ZNF385D: variants seen among roughly 807,000 people sequenced by gnomAD.
The protein encoded by ZNF385D is zinc finger protein 659.
A neutral mutation model predicts 35.8 loss-of-function variants in ZNF385D; 15 were observed. The observed-to-expected ratio is 0.42, with a 90% CI of 0.28 to 0.64. The LOEUF (loss-of-function observed/expected upper bound fraction) is 0.64, where lower values mean the gene tolerates loss of function less well. ZNF385D is among the 30% of genes least tolerant of loss of function. The pLI, the probability that ZNF385D is intolerant of heterozygous loss-of-function variation, is 0.23. For missense variants in ZNF385D, 474 were observed against 494.6 expected, an observed-to-expected ratio of 0.96 and a Z score of 0.39; for synonymous variants, 212 against 186.8, an observed-to-expected ratio of 1.13 and a Z score of -1.10.
chr3:21,980,455 T>C (rs6789283), intron 3 of ZNF385D, among the ~76,000 whole-genome samples: 26,204 of 152,114 alleles, frequency 0.17, 5,781 homozygotes, highest in African/African-American at 0.52. Flanking sequence ...AATAGTAGCA[T>C]TGAAGTGAAA....
intron 3 of ZNF385D, among the ~76,000 whole-genome samples, chr3:21,958,625 T>C (rs948473285): frequency 2.0e-5 from 3 of 152,140 alleles, no homozygotes; most frequent in East Asian, 1.9e-4. Flanking sequence ...ACCTGTAATA[T>C]AATCCCAGGG....
At chr3:22,064,386 G>C (rs1334808691) in intron 3 of ZNF385D, among the ~76,000 whole-genome samples, 2 of 151,634 alleles carry the variant, frequency 1.3e-5, no homozygotes, top group Non-Finnish European at 2.9e-5. Flanking sequence ...AGAAAGCAGA[G>C]CATTTGTTGC....
chr3:22,281,990 C>T (rs1450517277), intron 2 of ZNF385D, among the ~76,000 whole-genome samples: 1 of 151,856 alleles, frequency 6.6e-6, no homozygotes, highest in Admixed American at 6.6e-5. Flanking sequence ...TGTATATTTC[C>T]AGGAATTTAT....
chr3:22,009,501 T>C (rs921257731), intron 3 of ZNF385D, among the ~76,000 whole-genome samples: 3 of 151,322 alleles, frequency 2.0e-5, no homozygotes, highest in Non-Finnish European at 2.9e-5. Flanking sequence ...CGGGTGCCTA[T>C]AGTCCCAGCT....
In ZNF385D at chr3:21,819,623, T is replaced by C. The variant is rs115866722; in HGVS notation, c.326-154595A>G. ...TGTGTATATATGTTATATATGTATG[T>C]ATTATATAATTATATATTCTATATT... On this transcript the variant is annotated intron_variant, in intron 3 of 5. Transcript: ENST00000494108. Among the ~76,000 whole-genome samples the C allele has an allele frequency of 5.5e-3, 786 of 142,290 alleles. 6 individuals are homozygous for C. Among genetic ancestry groups the C allele is most frequent in the African/African-American group, 0.018 (703 of 38,588 alleles). The allele number at this position is 142,290 out of a possible 152,430, so 93.3% of individuals were successfully genotyped here.
chr3:22,038,430 T>C (rs1038828578), intron 3 of ZNF385D, among the ~76,000 whole-genome samples: 6 of 152,146 alleles, frequency 3.9e-5, no homozygotes, highest in Non-Finnish European at 5.9e-5. Context: ...AGCACCTGTT[T>C]CACAGAGTTG....
intron 2 of ZNF385D, among the ~76,000 whole-genome samples, chr3:22,257,219 G>A (rs1291365351): frequency 6.6e-6 from 1 of 151,764 alleles, no homozygotes; most frequent in Non-Finnish European, 1.5e-5. Flanking sequence ...GACAAGCTAT[G>A]TACCATTAGA....
chr3:22,032,697 T>A (rs2125484534), intron 3 of ZNF385D, among the ~76,000 whole-genome samples: 1 of 152,210 alleles, frequency 6.6e-6, no homozygotes, highest in Middle Eastern at 3.4e-3. Context: ...AAGCAGGCAG[T>A]TAGGGAAAGG....
At chr3:21,822,638 T>G (rs113152275) in intron 3 of ZNF385D, among the ~76,000 whole-genome samples, 119 of 152,272 alleles carry the variant, frequency 7.8e-4, no homozygotes, top group African/African-American at 2.5e-3. Flanking sequence ...CACAAGAAAG[T>G]TGATACTGGC....
chr3:21,980,030 T>A (rs990589795), intron 3 of ZNF385D, among the ~76,000 whole-genome samples: 4 of 152,174 alleles, frequency 2.6e-5, no homozygotes, highest in Non-Finnish European at 5.9e-5. Flanking sequence ...ATAAAAGGCA[T>A]TGTGATATCT....
intron 3 of ZNF385D, among the ~76,000 whole-genome samples, chr3:21,893,100 A>C (rs923627461): frequency 6.6e-6 from 1 of 152,276 alleles, no homozygotes; most frequent in East Asian, 1.9e-4. Context: ...CACTCCCTGC[A>C]TGATATCAAG....
intron 3 of ZNF385D, among the ~76,000 whole-genome samples, chr3:21,807,821 G>T (rs1378717347): frequency 6.6e-6 from 1 of 152,104 alleles, no homozygotes; most frequent in African/African-American, 2.4e-5. Context: ...CCACTTTTGA[G>T]ATTTGAAAAA....
At chr3:21,995,949 A>C (rs114554738) in intron 3 of ZNF385D, among the ~76,000 whole-genome samples, 1 of 152,018 alleles carries the variant, frequency 6.6e-6, no homozygotes, top group Non-Finnish European at 1.5e-5. Context: ...TGTGGGCTAG[A>C]GTGCTGGGGA....
At chr3:21,559,037 A>G (rs1208629620) in intron 3 of ZNF385D, among the ~76,000 whole-genome samples, 1 of 124,962 alleles carries the variant, frequency 8.0e-6, no homozygotes. Context: ...TATTCCTCCT[A>G]CCCTTTATTT....
chr3:21,736,690 G>A (rs769355501), intron 1 of ZNF385D, among the ~76,000 whole-genome samples: 4 of 152,152 alleles, frequency 2.6e-5, no homozygotes, highest in Admixed American at 1.3e-4. Flanking sequence ...GGAATTAGCA[G>A]AATAGAAGTG....
intron 2 of ZNF385D, among the ~76,000 whole-genome samples, chr3:22,181,191 GAGA>G (rs1305515066): frequency 6.6e-6 from 1 of 151,856 alleles, no homozygotes; most frequent in Non-Finnish European, 1.5e-5. Context: ...ACTATTAAAG[GAGA>G]AGAGCAGATA....
At chr3:21,490,733 G>T (rs1318453879) in intron 4 of ZNF385D, among the ~76,000 whole-genome samples, 1 of 151,504 alleles carries the variant, frequency 6.6e-6, no homozygotes, top group Non-Finnish European at 1.5e-5. Flanking sequence ...AATGAAATGT[G>T]TGTGTTTGAA....
Position 21,715,720 on chromosome 3 carries a change from T to G in ZNF385D, c.22+35175A>C, listed in dbSNP as rs144507802. Among the ~76,000 whole-genome samples the G allele has an allele frequency of 6.9e-3, 1,046 of 152,280 alleles. 42 individuals carry two copies. The highest frequency in any genetic ancestry group is 0.059 in the Admixed American group (905 of 15,302). On this transcript the variant is annotated intron_variant, in intron 1 of 7. Transcript: ENST00000281523. ...TCATCCTTATAACTCACCAAATTTC[T>G]ATCTATATGTTATCTGTACTAATTT...
At chr3:21,729,262 T>TA (rs1293081664) in intron 1 of ZNF385D, among the ~76,000 whole-genome samples, 2 of 152,188 alleles carry the variant, frequency 1.3e-5, no homozygotes, top group African/African-American at 2.4e-5. Context: ...ACGAAAATTT[T>TA]AAAAACAATA....
Sources: allele counts gnomAD v4.1 joint callset (sites outside exome capture counted in the v4.1 genomes callset), GRCh38; gene constraint gnomAD v4.1.1; transcripts MANE v1.5; gene names NCBI Gene and HGNC (gene_info 2026-07-23, HGNC 2026-07-21).